Variants in IQUB observed in about 807,000 individuals in gnomAD.
IQUB encodes IQ motif and ubiquitin domain containing.
Under a neutral mutation model 86.4 loss-of-function variants are expected in IQUB, and 86 were observed. The observed-to-expected ratio is 1.00, with a 90% CI of 0.84 to 1.19. IQUB has a LOEUF of 1.19. Among genes scored for constraint, IQUB ranks in the 50% most tolerant of loss-of-function variants. The pLI, the probability that IQUB is intolerant of heterozygous loss-of-function variation, is 0.00. For synonymous variants in IQUB, 289 were observed against 304.5 expected, an observed-to-expected ratio of 0.95 and a Z score of 0.53; for missense variants, 946 against 916.9, an observed-to-expected ratio of 1.03 and a Z score of -0.41.
intron 11 of IQUB, 90 bp downstream of exon 11, chr7:123,461,267 A>ATC: frequency 7.8e-7 from 1 of 1,284,466 alleles, no homozygotes; most frequent in Non-Finnish European, 1.1e-6. Context: ...TCATTAAACA[A>ATC]TCACACACAC....
intron 6 of IQUB, among the ~76,000 whole-genome samples, chr7:123,498,092 A>G (rs989258881): frequency 2.0e-5 from 3 of 151,774 alleles, no homozygotes; most frequent in Non-Finnish European, 4.4e-5. Flanking sequence ...AAAGCCCCCT[A>G]TCCAGAAAAC....
At chr7:123,525,636 T>C (rs2117355206) in intron 1 of IQUB, among the ~76,000 whole-genome samples, 1 of 152,306 alleles carries the variant, frequency 6.6e-6, no homozygotes, top group East Asian at 1.9e-4. Flanking sequence ...ATTTTGTTCA[T>C]CCTTTCAAAA....
intron 1 of IQUB, among the ~76,000 whole-genome samples, chr7:123,526,452 A>T (rs938601898): frequency 1.3e-5 from 2 of 152,194 alleles, no homozygotes; most frequent in African/African-American, 4.8e-5. Context: ...CCATTAAGTA[A>T]TGGCCTTCTT....
chr7:123,514,248 T>C (rs1275495771), intron 1 of IQUB, among the ~76,000 whole-genome samples: 1 of 151,958 alleles, frequency 6.6e-6, no homozygotes, highest in Non-Finnish European at 1.5e-5. Context: ...AATGCAACAA[T>C]AGGCTAACTG....
chr7:123,470,872 A>G (rs1041206320), intron 8 of IQUB, among the ~76,000 whole-genome samples: 46 of 152,182 alleles, frequency 3.0e-4, no homozygotes, highest in African/African-American at 1.1e-3. Context: ...AGAAAAAAGA[A>G]AAAAACAATG....
intron 6 of IQUB, among the ~76,000 whole-genome samples, chr7:123,498,088 C>G (rs561506124): frequency 1.0e-3 from 157 of 151,808 alleles, no homozygotes; most frequent in Non-Finnish European, 1.9e-3. Context: ...AAAAAAAGCC[C>G]CCTATCCAGA....
intron 1 of IQUB, among the ~76,000 whole-genome samples, chr7:123,513,384 C>CA (rs1256210537): frequency 6.6e-6 from 1 of 151,826 alleles, no homozygotes; most frequent in Admixed American, 6.6e-5. Context: ...AGATAAGATA[C>CA]AAAAAATATG....
Position 123,452,439 on chromosome 7 carries a change from T to C in IQUB, c.*304A>G, listed in dbSNP as rs1377681862. On this transcript the variant is annotated 3_prime_UTR_variant, in exon 13 of 13. Transcript: ENST00000324698. ...GTTTTTATTTGGCTGTTTGTTAGAT[T>C]TTAACTCTAATATACTTGAAAAAAT... is the stretch of plus-strand genomic sequence containing the variant. The C allele has an allele frequency of 5.4e-6, 1 of 183,660 alleles. No homozygotes were observed. Among genetic ancestry groups the C allele is most frequent in the Non-Finnish European group, 1.1e-5 (1 of 89,330 alleles). The allele number at this position is 183,660 out of a possible 1,614,324, so 11.4% of individuals were successfully genotyped here. A position where few individuals can be genotyped will look rare whatever the true frequency, so the allele number is the denominator to read the frequency against.
At chr7:123,470,682 T>TACAA (rs1794479873) in intron 8 of IQUB, among the ~76,000 whole-genome samples, 1 of 152,008 alleles carries the variant, frequency 6.6e-6, no homozygotes, top group Non-Finnish European at 1.5e-5. Context: ...AAACCCCGTC[T>TACAA]CTACTAAAAC....
chr7:123,534,383 G>T (rs1217841802), intron 1 of IQUB, 109 bp downstream of exon 1: 1 of 152,394 alleles, frequency 6.6e-6, no homozygotes, highest in Non-Finnish European at 1.5e-5. Context: ...CGCTCAGGTG[G>T]GAATCACTGC....
Position 123,516,714 on chromosome 7 carries a change from A to G in IQUB, c.-4-4370T>C, listed in dbSNP as rs543005584. ...AGTAGCCAGAACAAGGGTGGGCTCC[A>G]GAATTCTCAATGTATTATTTTTAAT... On this transcript the variant is annotated intron_variant, in intron 1 of 12. Coordinates refer to ENST00000324698, the MANE Select transcript of IQUB (RefSeq NM_178827.5). Among the ~76,000 whole-genome samples the G allele has an allele frequency of 2.0e-5, 3 of 152,312 alleles. No individual in the cohort carries two copies. The East Asian group carries it at 5.8e-4, about 29-fold the overall frequency.
At chr7:123,501,298 A>T (rs1003032572) in intron 6 of IQUB, 1 of 152,438 alleles carries the variant, frequency 6.6e-6, no homozygotes, top group African/African-American at 2.4e-5. Context: ...TGATGACATC[A>T]TAGAGTCACC....
At chr7:123,529,476 T>TG (rs1389560995) in intron 1 of IQUB, among the ~76,000 whole-genome samples, 3 of 102,822 alleles carry the variant, frequency 2.9e-5, no homozygotes, top group Admixed American at 1.1e-4. Context: ...CTGTCTCTAG[T>TG]GTTTTTTTTT....
chr7:123,507,413 T>G (rs186899013), intron 3 of IQUB, among the ~76,000 whole-genome samples: 26 of 152,236 alleles, frequency 1.7e-4, no homozygotes, highest in Admixed American at 1.7e-3. Context: ...TTTGGTAGGT[T>G]AGGCTTACTA....
intron 7 of IQUB, among the ~76,000 whole-genome samples, chr7:123,485,668 T>C (rs1795188430): frequency 6.6e-6 from 1 of 152,182 alleles, no homozygotes; most frequent in Non-Finnish European, 1.5e-5. Context: ...TTTAAATTTC[T>C]GAAACCTGAC....
chr7:123,487,539 T>C (rs1795262780), intron 7 of IQUB, among the ~76,000 whole-genome samples: 1 of 152,246 alleles, frequency 6.6e-6, no homozygotes, highest in Non-Finnish European at 1.5e-5. Context: ...TTAAATCATA[T>C]GTAGTAACTA....
At chr7:123,487,067 T>G (rs1795240745) in intron 7 of IQUB, among the ~76,000 whole-genome samples, 1 of 152,144 alleles carries the variant, frequency 6.6e-6, no homozygotes, top group Admixed American at 6.5e-5. Context: ...CCCCTTGCTA[T>G]TCTCAAGACA....
chr7:123,466,666 A>G (rs1370935136), intron 9 of IQUB, among the ~76,000 whole-genome samples: 2 of 152,168 alleles, frequency 1.3e-5, no homozygotes, highest in Non-Finnish European at 2.9e-5. Context: ...CCACAGAAAG[A>G]GCGTTCTTTA....
chr7:123,496,615 T>C, intron 7 of IQUB, 81 bp downstream of exon 7: 1 of 833,824 alleles, frequency 1.2e-6, no homozygotes, highest in Non-Finnish European at 1.8e-6. Context: ...AATAACACCT[T>C]CCTTTTGTCT....
Sources: gnomAD v4.1 joint callset for allele counts (sites outside exome capture counted in the v4.1 genomes callset) on GRCh38, gnomAD v4.1.1 for gene constraint, MANE v1.5 for transcripts, NCBI Gene and HGNC (gene_info 2026-07-23, HGNC 2026-07-21) for gene names.